Variants in TBL1Y observed in about 807,000 individuals in gnomAD.
TBL1Y encodes transducin beta like 1 Y-linked.
A neutral mutation model predicts 12.0 loss-of-function variants in TBL1Y; 15 were observed. The ratio of observed to expected loss-of-function variants is 1.25; its 90% CI spans 0.83 to 1.92. TBL1Y has a LOEUF of 1.92. Among genes scored for constraint, TBL1Y ranks in the 40% most tolerant of loss-of-function variants. The probability of loss-of-function intolerance (pLI) is 0.00; values close to 1 mark genes in which losing one functional copy is unlikely to be tolerated. For synonymous variants in TBL1Y, 53 were observed against 42.6 expected, an observed-to-expected ratio of 1.24 and a Z score of -0.95; for missense variants, 148 against 116.7, an observed-to-expected ratio of 1.27 and a Z score of -1.24.
intron 7 of TBL1Y, among the ~76,000 whole-genome samples, chrY:7,050,731 A>G (rs2012792215): frequency 3.3e-5 from 1 of 29,921 alleles, no homozygotes; most frequent in African/African-American, 1.3e-4. Flanking sequence ...ATTCAAGGTA[A>G]ATGGAACAAA....
At chrY:7,059,674 T>A in intron 7 of TBL1Y, among the ~76,000 whole-genome samples, 1 of 33,717 alleles carries the variant, frequency 3.0e-5, no homozygotes, top group Non-Finnish European at 7.4e-5. Flanking sequence ...GAAATTGACC[T>A]TTTGTTTTAA....
intron 2 of TBL1Y, among the ~76,000 whole-genome samples, chrY:6,917,120 AG>A (rs2011740119): frequency 2.9e-5 from 1 of 34,546 alleles, no homozygotes; most frequent in Non-Finnish European, 7.3e-5. Context: ...AGGCCGGAAC[AG>A]GTCTGTTGTC....
intron 7 of TBL1Y, among the ~76,000 whole-genome samples, chrY:7,052,130 AG>A (rs2012800432): frequency 2.9e-5 from 1 of 33,954 alleles, no homozygotes; most frequent in African/African-American, 1.2e-4. Context: ...GACAATTCTG[AG>A]GGCATTTCTC....
intron 2 of TBL1Y, among the ~76,000 whole-genome samples, chrY:6,941,039 A>G: frequency 5.9e-5 from 2 of 33,635 alleles, no homozygotes; most frequent in Non-Finnish European, 1.5e-4. Context: ...TTTCTTGCTC[A>G]CTACTCGGTG....
chrY:7,054,410 G>C, intron 7 of TBL1Y, among the ~76,000 whole-genome samples: 2 of 33,985 alleles, frequency 5.9e-5, no homozygotes, highest in African/African-American at 2.3e-4. Context: ...GAGAGCACAG[G>C]GGGAGGGGCA....
intron 18 of TBL1Y, 106 bp from the exon 19 acceptor site, chrY:7,091,366 G>A: frequency 6.1e-6 from 1 of 163,840 alleles, no homozygotes. Context: ...ACAAAAATTG[G>A]TGGAGACCTA....
At chrY:6,955,624 G>A (rs2012065154) in intron 2 of TBL1Y, among the ~76,000 whole-genome samples, 1 of 33,845 alleles carries the variant, frequency 3.0e-5, no homozygotes, top group African/African-American at 1.2e-4. Context: ...AAGATGGCAG[G>A]CAATCATTCT....
At chrY:6,983,592 T>C in intron 3 of TBL1Y, among the ~76,000 whole-genome samples, 1 of 33,528 alleles carries the variant, frequency 3.0e-5, no homozygotes, top group Non-Finnish European at 7.4e-5. Flanking sequence ...GGCAAAAATA[T>C]TGCACCTTTT....
chrY:7,065,833 G>C (rs2012978068), intron 8 of TBL1Y, among the ~76,000 whole-genome samples: 2 of 33,589 alleles, frequency 6.0e-5, no homozygotes, highest in African/African-American at 2.3e-4. Flanking sequence ...TCTCAAAATT[G>C]AGAAAATGGC....
At chrY:6,917,942 G>A (rs1035332021) in intron 2 of TBL1Y, among the ~76,000 whole-genome samples, 1 of 33,220 alleles carries the variant, frequency 3.0e-5, no homozygotes, top group African/African-American at 1.2e-4. Flanking sequence ...TCTCAGAAGG[G>A]AGTTAGTGTG....
At chrY:6,953,630 C>A in intron 2 of TBL1Y, among the ~76,000 whole-genome samples, 1 of 33,640 alleles carries the variant, frequency 3.0e-5, no homozygotes, top group Non-Finnish European at 7.3e-5. Context: ...CGAACTTCCT[C>A]CTTTAGCTCG....
At chrY:7,038,455 CT>C (rs2012705896) in intron 6 of TBL1Y, among the ~76,000 whole-genome samples, 1 of 31,811 alleles carries the variant, frequency 3.1e-5, no homozygotes, top group South Asian at 7.4e-4. Flanking sequence ...GAGTAGTGGC[CT>C]TTTAGGTGTC....
intron 2 of TBL1Y, among the ~76,000 whole-genome samples, chrY:6,954,183 C>T: frequency 2.9e-5 from 1 of 33,920 alleles, no homozygotes; most frequent in Non-Finnish European, 7.4e-5. Flanking sequence ...CTGGGAGAAC[C>T]ACTGCTCTCT....
At chrY:7,026,157 G>A in intron 6 of TBL1Y, among the ~76,000 whole-genome samples, 1 of 33,653 alleles carries the variant, frequency 3.0e-5, no homozygotes, top group African/African-American at 1.2e-4. Flanking sequence ...GTAACATGTT[G>A]TAAATAAGTG....
chrY:6,922,851 C>T, intron 2 of TBL1Y, among the ~76,000 whole-genome samples: 2 of 34,860 alleles, frequency 5.7e-5, no homozygotes, highest in Non-Finnish European at 1.5e-4. Context: ...CGGCAGGTGC[C>T]GGCCAGCTGC....
intron 4 of TBL1Y, among the ~76,000 whole-genome samples, chrY:7,009,770 T>G (rs2012505728): frequency 3.0e-5 from 1 of 33,252 alleles, no homozygotes; most frequent in African/African-American, 1.2e-4. Context: ...GCACGGTAGC[T>G]CATTTCTGTA....
chrY:6,972,773 G>A, intron 2 of TBL1Y, among the ~76,000 whole-genome samples: 1 of 33,346 alleles, frequency 3.0e-5, no homozygotes, highest in Non-Finnish European at 7.4e-5. Flanking sequence ...GAACATTTGT[G>A]TGTGCTCTGT....
chrY:6,938,310 A>G, intron 2 of TBL1Y, among the ~76,000 whole-genome samples: 2 of 33,786 alleles, frequency 5.9e-5, no homozygotes, highest in South Asian at 6.8e-4. Context: ...AAATTACCAC[A>G]CACTCACTGG....
intron 3 of TBL1Y, among the ~76,000 whole-genome samples, chrY:6,986,928 T>TA (rs2012322472): frequency 6.0e-5 from 2 of 33,282 alleles, no homozygotes; most frequent in Non-Finnish European, 1.5e-4. Context: ...TCTGAACACT[T>TA]ACATTTGCCC....
Sources: allele counts gnomAD v4.1 joint callset (sites outside exome capture counted in the v4.1 genomes callset), GRCh38; gene constraint gnomAD v4.1.1; transcripts MANE v1.5; gene names NCBI Gene and HGNC (gene_info 2026-07-23, HGNC 2026-07-21).